CLSTN2: variants seen among roughly 807,000 people sequenced by gnomAD.
The protein encoded by CLSTN2 is calsyntenin 2.
In CLSTN2, 48 loss-of-function variants were observed where a neutral mutation model predicts 101.2. That is an observed-to-expected ratio of 0.47 (90% confidence interval 0.38 to 0.60). The LOEUF (loss-of-function observed/expected upper bound fraction) is 0.60. CLSTN2 is among the 20% of genes least tolerant of loss of function. The pLI, the probability that CLSTN2 is intolerant of heterozygous loss-of-function variation, is 0.00. For missense variants in CLSTN2, 1,160 were observed against 1,238.2 expected (o/e 0.94, Z 0.95); for synonymous variants, 481 against 463.6 (o/e 1.04, Z -0.48).
chr3:140,378,163 T>C (rs916042334), intron 2 of CLSTN2, among the ~76,000 whole-genome samples: 2 of 152,220 alleles, frequency 1.3e-5, no homozygotes, highest in Non-Finnish European at 2.9e-5. Flanking sequence ...AAAGTCCACT[T>C]TATGATATTT....
chr3:140,264,583 G>GTC (rs1173753094), intron 2 of CLSTN2, among the ~76,000 whole-genome samples: 1 of 151,724 alleles, frequency 6.6e-6, no homozygotes, highest in African/African-American at 2.4e-5. Flanking sequence ...TGCTAATTCA[G>GTC]TCTTTGCAGC....
intron 1 of CLSTN2, among the ~76,000 whole-genome samples, chr3:140,071,603 G>A (rs1222823063): frequency 2.0e-5 from 3 of 152,058 alleles, no homozygotes; most frequent in African/African-American, 7.2e-5. Flanking sequence ...AGGCTGAGGC[G>A]GGTGGATCAC....
chr3:140,274,830 T>G (rs942773661), intron 2 of CLSTN2, among the ~76,000 whole-genome samples: 3 of 151,990 alleles, frequency 2.0e-5, no homozygotes, highest in Admixed American at 6.6e-5. Flanking sequence ...AGCAAGCGGG[T>G]CAGAATTTAA....
At chr3:140,539,767 A>T (rs1390191217) in intron 9 of CLSTN2, among the ~76,000 whole-genome samples, 1 of 152,200 alleles carries the variant, frequency 6.6e-6, no homozygotes, top group African/African-American at 2.4e-5. Context: ...GCCAATGAGG[A>T]AACTGGGATT....
intron 2 of CLSTN2, among the ~76,000 whole-genome samples, chr3:140,217,959 C>G (rs1159378177): frequency 6.6e-6 from 1 of 152,200 alleles, no homozygotes; most frequent in Non-Finnish European, 1.5e-5. Context: ...ACTGTATCCC[C>G]ACTCAAAACC....
chr3:140,199,460 G>A (rs973008281), intron 2 of CLSTN2, among the ~76,000 whole-genome samples: 24 of 152,122 alleles, frequency 1.6e-4, no homozygotes, highest in Non-Finnish European at 5.9e-5. Flanking sequence ...AAACCTAGTA[G>A]GCATTTCTGA....
At chr3:139,985,355 T>C (rs1936003709) in intron 1 of CLSTN2, among the ~76,000 whole-genome samples, 1 of 152,104 alleles carries the variant, frequency 6.6e-6, no homozygotes, top group Non-Finnish European at 1.5e-5. Flanking sequence ...ACAACCCAAA[T>C]AAAGCGGTGT....
intron 2 of CLSTN2, among the ~76,000 whole-genome samples, chr3:140,273,754 G>A (rs181001484): frequency 9.2e-5 from 14 of 152,238 alleles, no homozygotes; most frequent in African/African-American, 2.4e-4. Context: ...TCATAGTGGT[G>A]GATGTCAGAG....
intron 2 of CLSTN2, among the ~76,000 whole-genome samples, chr3:140,349,534 T>G (rs1179445751): frequency 6.6e-6 from 1 of 152,188 alleles, no homozygotes; most frequent in Non-Finnish European, 1.5e-5. Flanking sequence ...TCCTGTAGAT[T>G]CTTAAGAAGA....
At chr3:140,256,184 C>T (rs1387264152) in intron 2 of CLSTN2, among the ~76,000 whole-genome samples, 1 of 152,156 alleles carries the variant, frequency 6.6e-6, no homozygotes, top group African/African-American at 2.4e-5. Flanking sequence ...CCTCCTCTCC[C>T]ATCCTTCACC....
rs189028619 is a variant in CLSTN2 at position 140,262,765 on chromosome 3, C to G, written c.232+86692C>G. Among the ~76,000 whole-genome samples, 1,023 of 152,082 alleles carry G rather than the reference C, an allele frequency of 6.7e-3. 4 individuals are homozygous for G. The highest frequency in any genetic ancestry group is 0.01 in the Middle Eastern group (3 of 294). On this transcript the variant is annotated intron_variant, in intron 2 of 16. Coordinates refer to ENST00000458420, the MANE Select transcript of CLSTN2 (RefSeq NM_022131.3). ...AATGATGAGAGTAAAGGTTTTTGGTCTGGAAGCAGTCAACAAAGAGCCCAG... is the reference window on the plus strand; with the variant it reads ...AATGATGAGAGTAAAGGTTTTTGGTGTGGAAGCAGTCAACAAAGAGCCCAG...
chr3:139,989,707 G>A (rs551986325), intron 1 of CLSTN2, among the ~76,000 whole-genome samples: 1 of 152,292 alleles, frequency 6.6e-6, no homozygotes, highest in East Asian at 1.9e-4. Flanking sequence ...CTGTAGTGGT[G>A]TCAAATGGCA....
At chr3:140,134,207 C>G (rs1015508734) in intron 1 of CLSTN2, among the ~76,000 whole-genome samples, 1 of 152,150 alleles carries the variant, frequency 6.6e-6, no homozygotes, top group Non-Finnish European at 1.5e-5. Context: ...ATCAATTTAT[C>G]ATATAGTTGT....
chr3:140,225,483 CA>C (rs1255342796), intron 2 of CLSTN2, among the ~76,000 whole-genome samples: 121 of 125,540 alleles, frequency 9.6e-4, no homozygotes, highest in African/African-American at 3.4e-3. Context: ...CGGGCACTGA[CA>C]TTTTTGTTTG....
chr3:140,087,064 G>A (rs979937941), intron 1 of CLSTN2, among the ~76,000 whole-genome samples: 1 of 152,166 alleles, frequency 6.6e-6, no homozygotes, highest in Non-Finnish European at 1.5e-5. Context: ...CTAAAAGGTG[G>A]TTTGAAGACC....
At chr3:140,161,934 A>C (rs1015099389) in intron 1 of CLSTN2, among the ~76,000 whole-genome samples, 2 of 152,174 alleles carry the variant, frequency 1.3e-5, no homozygotes, top group African/African-American at 4.8e-5. Flanking sequence ...ATATTTATTA[A>C]TTTACTTATA....
chr3:140,390,962 A>T (rs751256266), intron 2 of CLSTN2, among the ~76,000 whole-genome samples: 2 of 152,224 alleles, frequency 1.3e-5, no homozygotes, highest in Admixed American at 6.5e-5. Context: ...TTAACAGACC[A>T]TTAACTTGGT....
At chr3:140,028,630 G>T (rs1442933776) in intron 1 of CLSTN2, among the ~76,000 whole-genome samples, 1 of 152,206 alleles carries the variant, frequency 6.6e-6, no homozygotes, top group East Asian at 1.9e-4. Flanking sequence ...AATGGGCTGA[G>T]TGCCAGCCAC....
intron 2 of CLSTN2, among the ~76,000 whole-genome samples, chr3:140,299,029 G>A (rs962022054): frequency 1.1e-4 from 17 of 152,168 alleles, no homozygotes; most frequent in Middle Eastern, 3.2e-3. Context: ...CTTGGTCTCC[G>A]TGCCTCACTG....
Sources: gnomAD v4.1 joint callset for allele counts (sites outside exome capture counted in the v4.1 genomes callset) on GRCh38, gnomAD v4.1.1 for gene constraint, MANE v1.5 for transcripts, NCBI Gene and HGNC (gene_info 2026-07-23, HGNC 2026-07-21) for gene names.